The following DISC1 variants were observed in gnomAD, a reference collection of about 807,000 sequenced individuals.
DISC1 encodes the protein DISC1 scaffold protein, also known as disrupted in schizophrenia 1 protein.
In DISC1, 57 loss-of-function variants were observed where a neutral mutation model predicts 84.5. That is an observed-to-expected ratio of 0.67 (90% CI 0.55 to 0.84). The LOEUF (loss-of-function observed/expected upper bound fraction) is 0.84. DISC1 is among the 40% of genes least tolerant of loss of function. The pLI is 0.00. For synonymous variants in DISC1, 411 were observed against 415.2 expected (o/e 0.99, Z 0.12); for missense variants, 1,000 against 1,057.8 (o/e 0.95, Z 0.76).
rs1468020019 is a variant in DISC1 at position 231,866,193 on chromosome 1, A to G, written c.1981+47676A>G. 2.0e-5 allele frequency among the ~76,000 whole-genome samples: 3 copies of G among 152,104 alleles called. No individual in the cohort carries two copies. In the East Asian group the frequency reaches 5.8e-4, roughly 29 times the overall value. ...GTCTACCCCCTGCACGTGCAGAGCAAAAAGAGCTTCCTATGGGAGCTGTTC... is the reference window on the plus strand; with the variant it reads ...GTCTACCCCCTGCACGTGCAGAGCAGAAAGAGCTTCCTATGGGAGCTGTTC... On this transcript the variant is annotated intron_variant, in intron 9 of 12. Transcript: ENST00000439617.
At position 232,009,143 on chromosome 1, in the gene DISC1, G is replaced by T; in HGVS notation, c.2307+94G>T. On this transcript the variant is annotated intron_variant, in intron 11 of 12. Transcript: ENST00000439617. The surrounding 1 kb of genome is among the most constrained non-coding windows in gnomAD (Gnocchi z 4.6). ...AATGGGAACAATAAATATTGGGAAG[G>T]CTTCCCATTGAGCATATAAACTTTT... is the stretch of plus-strand genomic sequence containing the variant. The T allele has an allele frequency of 6.4e-7, 1 of 1,569,040 alleles. No homozygotes were observed. The highest frequency in any genetic ancestry group is 1.7e-4 in the Middle Eastern group (1 of 5,788).
At position 231,758,149 on chromosome 1, in the gene DISC1, A is replaced by T. The variant is rs1207142251; in HGVS notation, c.1268+8073A>T. Among the ~76,000 whole-genome samples, 5 of 151,796 alleles carry T rather than the reference A, an allele frequency of 3.3e-5. No homozygotes were observed. The East Asian group carries it at 9.7e-4, about 29-fold the overall frequency. ...GGTTCCATTTGTCCGTGTGGTGACC[A>T]GCTCCACAGTGAACCTTTTATTGAA... On this transcript the variant is annotated intron_variant, in intron 4 of 12. Transcript: ENST00000439617.
intron 9 of DISC1, among the ~76,000 whole-genome samples, chr1:231,918,210 A>G (rs897894860): frequency 2.0e-5 from 3 of 152,162 alleles, no homozygotes; most frequent in Non-Finnish European, 2.9e-5. Context: ...GCTATGAGCT[A>G]TATTTGTGCC....
chr1:231,973,707 G>A (rs1268008348), intron 10 of DISC1, among the ~76,000 whole-genome samples: 3 of 152,130 alleles, frequency 2.0e-5, no homozygotes, highest in East Asian at 1.9e-4. Context: ...GTTTCCCTCC[G>A]CATGCCCAAA....
At chr1:231,663,954 G>T (rs1436210396) in intron 1 of DISC1, among the ~76,000 whole-genome samples, 1 of 152,108 alleles carries the variant, frequency 6.6e-6, no homozygotes, top group African/African-American at 2.4e-5. Flanking sequence ...TAGGTATTAA[G>T]TTGGACAGAT....
intron 11 of DISC1, among the ~76,000 whole-genome samples, chr1:232,022,669 G>T (rs1669075008): frequency 6.6e-6 from 1 of 152,172 alleles, no homozygotes; most frequent in African/African-American, 2.4e-5. Context: ...GGACAGAACA[G>T]AATTTTTTAC....
chr1:231,844,224 G>A (rs1193921094), intron 9 of DISC1, among the ~76,000 whole-genome samples: 2 of 152,184 alleles, frequency 1.3e-5, no homozygotes, highest in Non-Finnish European at 1.5e-5. Flanking sequence ...TGTGTGCAGA[G>A]CCCATGGTTT....
At chr1:231,706,258 G>A (rs980335578) in intron 3 of DISC1, among the ~76,000 whole-genome samples, 2 of 152,138 alleles carry the variant, frequency 1.3e-5, no homozygotes, top group African/African-American at 4.8e-5. Flanking sequence ...TGCCTATCCC[G>A]TGCTTATGGT....
chr1:231,697,284 A>C (rs1473704996), intron 2 of DISC1, among the ~76,000 whole-genome samples: 1 of 152,216 alleles, frequency 6.6e-6, no homozygotes, highest in Non-Finnish European at 1.5e-5. Context: ...CTTCTACTTA[A>C]GTAAAAATGA....
At chr1:231,724,069 T>A in intron 3 of DISC1, 1 of 967,772 alleles carries the variant, frequency 1.0e-6, no homozygotes, top group Non-Finnish European at 1.2e-6. Context: ...TTGGTCTTCA[T>A]CCTTTAAATG....
intron 4 of DISC1, among the ~76,000 whole-genome samples, chr1:231,763,742 C>T (rs2075962196): frequency 6.6e-6 from 1 of 152,174 alleles, no homozygotes; most frequent in Non-Finnish European, 1.5e-5. Flanking sequence ...CCATGCCTTG[C>T]AATTGCCCAT....
At chr1:231,669,180 A>G (rs1419389671) in intron 1 of DISC1, among the ~76,000 whole-genome samples, 2 of 152,196 alleles carry the variant, frequency 1.3e-5, no homozygotes, top group African/African-American at 2.4e-5. Context: ...TTGCAGTGAT[A>G]GGGATGCCTG....
At chr1:231,814,028 C>T (rs937045790) in intron 8 of DISC1, among the ~76,000 whole-genome samples, 4 of 152,136 alleles carry the variant, frequency 2.6e-5, no homozygotes, top group African/African-American at 4.8e-5. Flanking sequence ...CCAATCATGG[C>T]ATTGGAAACT....
At chr1:231,999,236 A>G (rs1666350528) in intron 10 of DISC1, among the ~76,000 whole-genome samples, 1 of 152,198 alleles carries the variant, frequency 6.6e-6, no homozygotes, top group East Asian at 1.9e-4. Flanking sequence ...AATCCTGAAA[A>G]TAATGCAAGA....
At chr1:231,819,185 T>C (rs1166298350) in intron 9 of DISC1, 3 of 934,686 alleles carry the variant, frequency 3.2e-6, no homozygotes, top group African/African-American at 3.6e-5. Context: ...GGTTCCTAAA[T>C]AAATGTCATT....
At chr1:231,941,763 G>A (rs1026882706) in intron 9 of DISC1, among the ~76,000 whole-genome samples, 3 of 152,070 alleles carry the variant, frequency 2.0e-5, no homozygotes, top group Non-Finnish European at 2.9e-5. Flanking sequence ...GAGCCACCGC[G>A]CCTGGTCTGA....
chr1:231,688,027 C>A (rs201311273), intron 1 of DISC1, among the ~76,000 whole-genome samples: 4 of 151,722 alleles, frequency 2.6e-5, no homozygotes, highest in Non-Finnish European at 4.4e-5. Context: ...TAGGGGAGGT[C>A]AATTCCAAAA....
chr1:231,977,142 A>G (rs991832035), intron 10 of DISC1, among the ~76,000 whole-genome samples: 23 of 152,366 alleles, frequency 1.5e-4, no homozygotes, highest in African/African-American at 5.3e-4. Flanking sequence ...TATGCACCTT[A>G]TAAATTCAAC....
intron 3 of DISC1, among the ~76,000 whole-genome samples, chr1:231,713,819 T>C (rs1256053441): frequency 2.1e-5 from 3 of 144,000 alleles, no homozygotes; most frequent in African/African-American, 7.7e-5. Context: ...GAGATATATA[T>C]ATAGGAGAGA....
Sources: allele counts gnomAD v4.1 joint callset (sites outside exome capture counted in the v4.1 genomes callset), GRCh38; gene constraint gnomAD v4.1.1; non-coding constraint Gnocchi (gnomAD v3.1); transcripts MANE v1.5; gene names NCBI Gene and HGNC (gene_info 2026-07-23, HGNC 2026-07-21).